TRRAP: variants seen among roughly 807,000 people sequenced by gnomAD.
The protein encoded by TRRAP is transformation/transcription domain associated protein, also known as transformation/transcription domain-associated protein.
Under a neutral mutation model 438.8 loss-of-function variants are expected in TRRAP, and 41 were observed. The observed-to-expected ratio is 0.09, with a 90% confidence interval of 0.07 to 0.12. The LOEUF (loss-of-function observed/expected upper bound fraction) is 0.12. Ranked by LOEUF, TRRAP falls within the 10% of genes least tolerant of loss-of-function variation. TRRAP has a pLI of 1.00. For missense variants in TRRAP, 3,122 were observed against 5,055.1 expected (o/e 0.62, Z 11.60); for synonymous variants, 1,994 against 1,962.9 (o/e 1.02, Z -0.42).
chr7:98,895,823 A>AGC lies in TRRAP; in HGVS notation c.507+3_507+4insGC. 6.2e-7 allele frequency: 1 copy of AGC among 1,601,092 alleles called. No individual in the cohort carries two copies. The highest frequency in any genetic ancestry group is 1.7e-5 in the Admixed American group (1 of 58,168). On this transcript the variant is annotated splice_donor_region_variant and intron_variant, in intron 7 of 72. Coordinates refer to ENST00000456197, the MANE Select transcript of TRRAP (RefSeq NM_001375524.1). ...ACAAGGAGCTTCCAAAAGTAGTGGT[A>AGC]TGTTTTTACTTTGGTTTTAATTAGT... is the stretch of plus-strand genomic sequence containing the variant.
At chr7:98,974,475 C>A (rs928042254) in intron 53 of TRRAP, among the ~76,000 whole-genome samples, 1 of 152,112 alleles carries the variant, frequency 6.6e-6, no homozygotes, top group Non-Finnish European at 1.5e-5. Context: ...AGGCAGCAAC[C>A]CCTCGCTGGG....
chr7:98,988,624 G>C (rs960008489), intron 62 of TRRAP, 141 bp from the exon 63 acceptor site: 8 of 939,752 alleles, frequency 8.5e-6, no homozygotes, highest in Non-Finnish European at 1.3e-5. Context: ...GGTTCAGAGC[G>C]ACTGCTTATG....
intron 39 of TRRAP, among the ~76,000 whole-genome samples, chr7:98,952,059 T>G (rs1451623558): frequency 6.6e-6 from 1 of 152,178 alleles, no homozygotes; most frequent in Non-Finnish European, 1.5e-5. Context: ...AGAGAGGACC[T>G]TGGGGCTAAA....
In TRRAP at chr7:98,908,716, C is replaced by T. The variant is rs1554407934; in HGVS notation, c.1116-12C>T. ...CGTGGGAATGAGCACTAGTCGAGGT[C>T]TCTGCCCGCAGGCCCCTCGCCTACA... On this transcript the variant is annotated splice_polypyrimidine_tract_variant and intron_variant, in intron 13 of 72. Transcript: ENST00000456197. The surrounding 1 kb of genome is among the most constrained non-coding windows in gnomAD (Gnocchi z 4.1). The T allele has an allele frequency of 6.5e-7, 1 of 1,543,662 alleles. No individual in the cohort carries two copies. The highest frequency in any genetic ancestry group is 2.4e-5 in the East Asian group (1 of 40,932).
At position 98,890,373 on chromosome 7, in the gene TRRAP, A is replaced by G; in HGVS notation, c.189A>G (p.Glu63=). The G allele has an allele frequency of 6.2e-7, 1 of 1,606,382 alleles. No homozygotes were observed. The highest frequency in any genetic ancestry group is 1.7e-5 in the Admixed American group (1 of 57,952). The stretch of plus-strand genomic sequence containing the variant: ...CTCCTCAGTATTCTACATTCCTAGA[A>G]CATATCATCCCTCGATTCCTTACAT... The part of the protein sequence containing the change: ...TSSPQYSTFL[E]HIIPRFLTFL... Residue 63 remains glutamate, a synonymous_variant, in exon 4 of 73, where the codon GAA becomes GAG. Transcript: ENST00000456197.
Position 98,983,474 on chromosome 7 carries a change from T to A in TRRAP, c.9022+15T>A. On this transcript the variant is annotated intron_variant, in intron 60 of 72. Coordinates refer to ENST00000456197, the MANE Select transcript of TRRAP (RefSeq NM_001375524.1). ...TCATTACCAGGGTAAACCGACCTGG[T>A]CCGGCATGCATTCATCATGTAATTT... is the stretch of plus-strand genomic sequence containing the variant. The A allele has an allele frequency of 6.2e-7, 1 of 1,614,044 alleles. No homozygotes were observed. The highest frequency in any genetic ancestry group is 8.5e-7 in the Non-Finnish European group (1 of 1,179,952).
Position 98,899,476 on chromosome 7 carries a change from A to G in TRRAP, c.688A>G (p.Ile230Val). ...TCTGAAAGTGTTGGCAGAATTGCCC[A>G]TTATTGTTGTTTTAATGTATCAGGT... is the stretch of plus-strand genomic sequence containing the variant. ...LSLKVLAELP[I>V]IVVLMYQLYK... Residue 230 changes from isoleucine (I) to valine (V), a missense_variant, in exon 9 of 73, where the codon ATT becomes GTT. This residue lies in a region of TRRAP where 343 missense variants were observed against 564.0 expected (regional missense o/e 0.61). Transcript: ENST00000456197. 6.2e-7 allele frequency: 1 copy of G among 1,614,150 alleles called. No individual in the cohort carries two copies. Among genetic ancestry groups the G allele is most frequent in the Non-Finnish European group, 8.5e-7 (1 of 1,180,026 alleles).
Position 98,992,243 on chromosome 7 carries a change from G to A in TRRAP, c.9847+16G>A. 6.2e-7 allele frequency: 1 copy of A among 1,613,478 alleles called. No homozygotes were observed. The highest frequency in any genetic ancestry group is 8.5e-7 in the Non-Finnish European group (1 of 1,179,884). Reference sequence around the variant, plus strand: ...TACAAGAGCGGTACGTCTCGGGTGGGGCCGGTAGGCCAGGCCGGGAAGGGC... The same window carrying A: ...TACAAGAGCGGTACGTCTCGGGTGGAGCCGGTAGGCCAGGCCGGGAAGGGC... On this transcript the variant is annotated intron_variant, in intron 65 of 72. Transcript: ENST00000456197.
At position 98,950,127 on chromosome 7, in the gene TRRAP, C is replaced by G. The variant is rs368283251; in HGVS notation, c.5199C>G (p.Leu1733=). 14 of 1,614,128 alleles carry G rather than the reference C, an allele frequency of 8.7e-6. No individual in the cohort carries two copies. The highest frequency in any genetic ancestry group is 1.2e-5 in the Non-Finnish European group (14 of 1,180,052). The change falls in exon 38 of 73, where the codon CTC becomes CTG. Residue 1733 remains leucine (L), a synonymous_variant. Transcript: ENST00000456197. ...TCCGAGCCTTTACTGGTCGTTTTCT[C>G]TGCAACATGACATTCTTAAAAGAGT... is the stretch of plus-strand genomic sequence containing the variant. The part of the protein sequence containing the change: ...QLLRAFTGRF[L]CNMTFLKEYM...
rs55828848 is a variant in TRRAP, at chr7:99,004,392, G to A, written c.10512G>A (p.Thr3504=). Residue 3504 remains threonine (T), a synonymous_variant, in exon 68 of 73, where the codon ACG becomes ACA. Coordinates refer to ENST00000456197, the MANE Select transcript of TRRAP (RefSeq NM_001375524.1). The part of the protein sequence containing the change: ...IPGEFLMPKP[T]HYYIKIARFM... ...GGGAGTTTCTGATGCCAAAGCCAAC[G>A]CATTATTACATCAAGATTGCACGGT... 6.4e-5 allele frequency: 103 copies of A among 1,614,058 alleles called. 1 individual carries two copies. The East Asian group carries it at 7.8e-4, about 12-fold the overall frequency.
intron 37 of TRRAP, 100 bp downstream of exon 37, chr7:98,949,941 C>G: frequency 6.4e-7 from 1 of 1,564,108 alleles, no homozygotes; most frequent in Non-Finnish European, 8.7e-7. Flanking sequence ...TCATTGGATG[C>G]GTGCAGTCAG....
intron 59 of TRRAP, 142 bp downstream of exon 59, chr7:98,982,102 G>A (rs1289018726): frequency 2.3e-5 from 19 of 823,302 alleles, no homozygotes; most frequent in Admixed American, 4.2e-5. Context: ...ACTTATACGC[G>A]TCCTCAGGAA....
At chr7:98,897,997 C>A in intron 8 of TRRAP, 131 bp downstream of exon 8, 1 of 1,423,194 alleles carries the variant, frequency 7.0e-7, no homozygotes, top group Non-Finnish European at 9.7e-7. Context: ...CAAAGCATCA[C>A]TGGTCCTTCT....
chr7:98,941,814 A>G (rs1790810160), intron 30 of TRRAP, among the ~76,000 whole-genome samples: 2 of 152,178 alleles, frequency 1.3e-5, no homozygotes, highest in Admixed American at 6.5e-5. Context: ...AGACCAGTTC[A>G]TTGGCCACGT....
chr7:98,941,338 G>T (rs1240471412), intron 30 of TRRAP, among the ~76,000 whole-genome samples: 2 of 152,098 alleles, frequency 1.3e-5, no homozygotes, highest in Non-Finnish European at 2.9e-5. Flanking sequence ...ACCGTGCCCG[G>T]CTAGTTTTTG....
chr7:98,901,149 G>T (rs571909056), intron 11 of TRRAP, among the ~76,000 whole-genome samples: 1 of 152,226 alleles, frequency 6.6e-6, no homozygotes, highest in African/African-American at 2.4e-5. Flanking sequence ...TGCTTACACG[G>T]TAGCAATTGT....
chr7:98,957,003 C>T (rs1791649201), intron 43 of TRRAP, among the ~76,000 whole-genome samples: 1 of 152,114 alleles, frequency 6.6e-6, no homozygotes, highest in African/African-American at 2.4e-5. Flanking sequence ...CCTGGCCACC[C>T]TACTTCTGGC....
Position 98,965,581 on chromosome 7 carries a change from A to G in TRRAP, c.6977-115A>G. On this transcript the variant is annotated intron_variant, in intron 48 of 72. Transcript: ENST00000456197. ...AAATCCCAGAGCTCTAGTTGCAGGAAAAAACATTGAGGGGGAAAATGGGCA... is the reference window on the plus strand; with the variant it reads ...AAATCCCAGAGCTCTAGTTGCAGGAGAAAACATTGAGGGGGAAAATGGGCA... 2.1e-6 allele frequency: 3 copies of G among 1,438,480 alleles called. No homozygotes were observed. The South Asian group carries it at 3.7e-5, about 18-fold the overall frequency. The allele number at this position is 1,438,480 out of a possible 1,614,324, so 89.1% of individuals were successfully genotyped here. A position where few individuals can be genotyped will look rare whatever the true frequency, so the allele number is the denominator to read the frequency against.
At chr7:98,906,024 G>C (rs974769048) in intron 12 of TRRAP, among the ~76,000 whole-genome samples, 153 bp from the exon 13 acceptor site, 24 of 152,240 alleles carry the variant, frequency 1.6e-4, no homozygotes, top group Non-Finnish European at 2.9e-4. Context: ...GACTGAAATA[G>C]CACTTGTGCC....
Sources: gnomAD v4.1 joint callset for allele counts (sites outside exome capture counted in the v4.1 genomes callset) on GRCh38, gnomAD v4.1.1 for gene constraint, gnomAD v4.1.1 regional missense constraint, Gnocchi (gnomAD v3.1) non-coding constraint, MANE v1.5 for transcripts, NCBI Gene and HGNC (gene_info 2026-07-23, HGNC 2026-07-21) for gene names.